DACH2: variants seen among roughly 807,000 people sequenced by gnomAD.
DACH2 encodes dachshund homolog 2.
Under a neutral mutation model 35.8 loss-of-function variants are expected in DACH2, and 17 were observed. The ratio of observed to expected loss-of-function variants is 0.48; its 90% CI spans 0.33 to 0.71. The LOEUF (loss-of-function observed/expected upper bound fraction) is 0.71, where lower values mean the gene tolerates loss of function less well. DACH2 is among the 30% of genes least tolerant of loss of function. The pLI is 0.02. For missense variants in DACH2, 469 were observed against 472.7 expected (o/e 0.99, Z 0.07); for synonymous variants, 195 against 177.3 (o/e 1.10, Z -0.79).
chrX:86,328,012 G>GT (rs752578375), intron 1 of DACH2, among the ~76,000 whole-genome samples: 11 of 110,767 alleles, frequency 9.9e-5, no homozygotes, highest in Non-Finnish European at 1.3e-4. Context: ...TGCAATACTT[G>GT]TTTTTTTCTT....
At chrX:86,664,474 A>G (rs1206833467) in intron 4 of DACH2, among the ~76,000 whole-genome samples, 1 of 111,527 alleles carries the variant, frequency 9.0e-6, no homozygotes, top group Non-Finnish European at 1.9e-5. Context: ...TTTTCCAACT[A>G]TACCTGCCAT....
At chrX:86,184,661 AT>A (rs2031628620) in intron 1 of DACH2, among the ~76,000 whole-genome samples, 1 of 111,754 alleles carries the variant, frequency 8.9e-6, no homozygotes, top group Non-Finnish European at 1.9e-5. Context: ...TAAAATGAAT[AT>A]TTTTATTATT....
intron 3 of DACH2, among the ~76,000 whole-genome samples, chrX:86,553,476 A>G (rs774546631): frequency 9.0e-6 from 1 of 111,657 alleles, no homozygotes; most frequent in Non-Finnish European, 1.9e-5. Flanking sequence ...ACACCCAGGA[A>G]CAATACTTTG....
chrX:86,809,726 CT>C (rs1430641015), intron 7 of DACH2, among the ~76,000 whole-genome samples: 1 of 110,529 alleles, frequency 9.0e-6, no homozygotes, highest in Non-Finnish European at 1.9e-5. Flanking sequence ...AAATTTATTG[CT>C]TGTGGGACAG....
At chrX:86,407,496 C>T (rs763487869) in intron 2 of DACH2, among the ~76,000 whole-genome samples, 7 of 112,110 alleles carry the variant, frequency 6.2e-5, no homozygotes, top group South Asian at 3.7e-4. Context: ...GAGGAGAGAG[C>T]GAGATCACTG....
intron 2 of DACH2, among the ~76,000 whole-genome samples, chrX:86,404,328 A>G (rs900631374): frequency 2.8e-4 from 31 of 111,980 alleles, no homozygotes; most frequent in African/African-American, 1.0e-3. Context: ...AGCCTGTTTA[A>G]TGAAAAGCAA....
At chrX:86,475,915 C>T (rs1271412911) in intron 2 of DACH2, among the ~76,000 whole-genome samples, 1 of 111,801 alleles carries the variant, frequency 8.9e-6, no homozygotes, top group Non-Finnish European at 1.9e-5. Flanking sequence ...AATTATTTTT[C>T]AACATCAATG....
At chrX:86,385,725 C>T (rs1211560060) in intron 2 of DACH2, among the ~76,000 whole-genome samples, 1 of 110,997 alleles carries the variant, frequency 9.0e-6, no homozygotes, top group Non-Finnish European at 1.9e-5. Flanking sequence ...TTGTGCTTTC[C>T]ATAGTTTATG....
chrX:86,214,679 T>C (rs1341827842), intron 1 of DACH2, among the ~76,000 whole-genome samples: 1 of 111,980 alleles, frequency 8.9e-6, no homozygotes, highest in Non-Finnish European at 1.9e-5. Context: ...TCGGCATTAG[T>C]TCTAGACACC....
intron 4 of DACH2, among the ~76,000 whole-genome samples, chrX:86,654,192 A>AC (rs201535493): frequency 0.015 from 1,198 of 80,622 alleles, 22 homozygotes; most frequent in African/African-American, 0.06. Flanking sequence ...TTTAGTAAAA[A>AC]AAAAAAAAAA....
At chrX:86,234,098 C>T (rs1212203348) in intron 1 of DACH2, among the ~76,000 whole-genome samples, 1 of 112,024 alleles carries the variant, frequency 8.9e-6, no homozygotes, top group Non-Finnish European at 1.9e-5. Context: ...CATCTCTCTG[C>T]ATTTATCTTT....
At chrX:86,415,254 T>G (rs1264153194) in intron 2 of DACH2, among the ~76,000 whole-genome samples, 2 of 111,960 alleles carry the variant, frequency 1.8e-5, no homozygotes, top group Non-Finnish European at 3.8e-5. Flanking sequence ...TTTCTTTCTT[T>G]TCAACGTAGG....
intron 3 of DACH2, among the ~76,000 whole-genome samples, chrX:86,618,294 A>G (rs2040029897): frequency 8.9e-6 from 1 of 112,133 alleles, no homozygotes; most frequent in Non-Finnish European, 1.9e-5. Flanking sequence ...ATATTGCCAG[A>G]TATAGTTTAT....
chrX:86,810,261 C>T (rs1442101253), intron 7 of DACH2, among the ~76,000 whole-genome samples: 9 of 111,549 alleles, frequency 8.1e-5, no homozygotes, highest in Non-Finnish European at 1.5e-4. Flanking sequence ...GAATGTATTG[C>T]TTTCCTTTTC....
At chrX:86,270,367 C>T (rs1220865340) in intron 1 of DACH2, among the ~76,000 whole-genome samples, 1 of 111,079 alleles carries the variant, frequency 9.0e-6, no homozygotes, top group Non-Finnish European at 1.9e-5. Flanking sequence ...CTTTTTGAGA[C>T]TATAGCAGGG....
intron 1 of DACH2, among the ~76,000 whole-genome samples, chrX:86,207,071 T>C (rs2147909614): frequency 9.0e-6 from 1 of 111,634 alleles, no homozygotes; most frequent in African/African-American, 3.2e-5. Flanking sequence ...TAACCCAAAG[T>C]TTCCATGGTT....
Position 86,743,617 on chromosome X carries a change from C to A in DACH2, c.1240+3735C>A, listed in dbSNP as rs747566774. 4.5e-5 allele frequency among the ~76,000 whole-genome samples: 5 copies of A among 110,977 alleles called. No individual in the cohort carries two copies. The South Asian group carries it at 1.9e-3, about 42-fold the overall frequency. On this transcript the variant is annotated intron_variant, in intron 7 of 11. Coordinates refer to ENST00000373125, the MANE Select transcript of DACH2 (RefSeq NM_053281.3). ...TATTTTCTATTTTCTGTAAACTGAA[C>A]GTGCTTCATAATTACCTAGATGAGC...
In DACH2 at chrX:86,654,238, T is replaced by C. The variant is rs183351742; in HGVS notation, c.772+3071T>C. Among the ~76,000 whole-genome samples, 5 of 98,713 alleles carry C rather than the reference T, an allele frequency of 5.1e-5. No individual in the cohort carries two copies. In the East Asian group the frequency reaches 9.5e-4, roughly 19 times the overall value. 85.7% of individuals were successfully genotyped at this position (98,713 alleles called of 115,157 possible). On this transcript the variant is annotated intron_variant, in intron 4 of 11. Transcript: ENST00000373125. ...AACGCAATTAAAGATGGTTTTAGGA[T>C]CCAGAGATTTCCAAGCTAACTCTGC...
chrX:86,254,785 T>A (rs867882822), intron 1 of DACH2, among the ~76,000 whole-genome samples: 9 of 60,279 alleles, frequency 1.5e-4, no homozygotes, highest in African/African-American at 3.1e-4. Context: ...TAAATAAATA[T>A]ATATATATAT....
Sources: gnomAD v4.1 joint callset for allele counts (sites outside exome capture counted in the v4.1 genomes callset) on GRCh38, gnomAD v4.1.1 for gene constraint, MANE v1.5 for transcripts, NCBI Gene and HGNC (gene_info 2026-07-23, HGNC 2026-07-21) for gene names.